CACNA1E: variants seen among roughly 807,000 people sequenced by gnomAD.
CACNA1E encodes voltage-dependent R-type calcium channel subunit alpha-1E.
A neutral mutation model predicts 259.2 loss-of-function variants in CACNA1E; 40 were observed. The observed-to-expected ratio is 0.15, with a 90% CI of 0.12 to 0.20. CACNA1E has a LOEUF of 0.20. Among genes scored for constraint, CACNA1E ranks in the 10% least tolerant of loss-of-function variants. The pLI is 1.00. For synonymous variants in CACNA1E, 1,104 were observed against 1,138.5 expected, an observed-to-expected ratio of 0.97 and a Z score of 0.61; for missense variants, 1,874 against 3,040.1, an observed-to-expected ratio of 0.62 and a Z score of 9.02.
chr1:181,479,424 CAG>C (rs1360288108), upstream of CACNA1E, among the ~76,000 whole-genome samples: 4 of 152,304 alleles, frequency 2.6e-5, no homozygotes, highest in East Asian at 1.9e-4. Flanking sequence ...GGTTTCCAAT[CAG>C]AGTTATGACT....
chr1:181,395,767 C>T (rs146607297), intron 1 of CACNA1E, among the ~76,000 whole-genome samples: 58 of 152,000 alleles, frequency 3.8e-4, no homozygotes, highest in Admixed American at 1.8e-3. Context: ...TCCATGAGGT[C>T]GAAGGAAAAC....
chr1:181,468,611 G>A (rs1055163864), intron 2 of CACNA1E, among the ~76,000 whole-genome samples: 6 of 152,206 alleles, frequency 3.9e-5, no homozygotes, highest in Admixed American at 2.6e-4. Flanking sequence ...GTATAGTGGG[G>A]AGCCAAGATG....
rs1054072036 is a variant in CACNA1E, at chr1:181,355,690, A to G, written c.-15+37567A>G. On this transcript the variant is annotated intron_variant, in intron 1 of 11. Transcript: ENST00000524607. ...GGTCCCATGATTAAGTGCTCATTTT[A>G]TTGATAATTTTAAAAAAATATGCAA... Among the ~76,000 whole-genome samples, 23 of 152,214 alleles carry G rather than the reference A, an allele frequency of 1.5e-4. 1 individual carries two copies. Among genetic ancestry groups the G allele is most frequent in the African/African-American group, 4.3e-4 (18 of 41,452 alleles).
At chr1:181,643,001 C>A (rs973562095) in intron 6 of CACNA1E, among the ~76,000 whole-genome samples, 1 of 152,082 alleles carries the variant, frequency 6.6e-6, no homozygotes, top group Non-Finnish European at 1.5e-5. Context: ...CCCCCTCACT[C>A]CCCCCACAGG....
At chr1:181,726,019 T>G (rs766170589) in intron 17 of CACNA1E, 46 bp from the exon 18 acceptor site, 1 of 1,379,844 alleles carries the variant, frequency 7.2e-7, no homozygotes, top group Non-Finnish European at 1.0e-6. Flanking sequence ...GAAGCTACTC[T>G]CCTTCCTGGG....
chr1:181,349,664 C>T (rs1652883020), intron 1 of CACNA1E, among the ~76,000 whole-genome samples: 1 of 152,044 alleles, frequency 6.6e-6, no homozygotes. Context: ...GTAGGAAGTA[C>T]TCCATGCTGT....
chr1:181,713,254 A>G (rs1653565236), intron 8 of CACNA1E, among the ~76,000 whole-genome samples: 1 of 152,084 alleles, frequency 6.6e-6, no homozygotes. Flanking sequence ...AAGCCCAGAC[A>G]CTGTGCACAG....
chr1:181,376,455 A>C (rs747992643), intron 1 of CACNA1E, among the ~76,000 whole-genome samples: 1 of 152,216 alleles, frequency 6.6e-6, no homozygotes, highest in Non-Finnish European at 1.5e-5. Context: ...ATGCCAGGAC[A>C]CATTTTTATG....
At chr1:181,402,961 A>G (rs539274597) in intron 1 of CACNA1E, among the ~76,000 whole-genome samples, 5 of 152,348 alleles carry the variant, frequency 3.3e-5, no homozygotes, top group African/African-American at 1.2e-4. Flanking sequence ...TGGGAAAGAT[A>G]AAAGTACTTA....
rs180797038 is a variant in CACNA1E at position 181,369,314 on chromosome 1, C to T, written c.-14-43819C>T. ...CTTGCTACCAAGTCTTTTTAATGGCCGCATCTTCGGGCTCTGTTTCTTGGT... is the reference window on the plus strand; with the variant it reads ...CTTGCTACCAAGTCTTTTTAATGGCTGCATCTTCGGGCTCTGTTTCTTGGT... On this transcript the variant is annotated intron_variant, in intron 1 of 11. Transcript: ENST00000524607. Among the ~76,000 whole-genome samples, 30 of 152,282 alleles carry T rather than the reference C, an allele frequency of 2.0e-4. No individual in the cohort carries two copies. The South Asian group carries it at 4.2e-3, about 21-fold the overall frequency.
chr1:181,456,290 C>T (rs1661457794), intron 2 of CACNA1E, among the ~76,000 whole-genome samples: 1 of 152,046 alleles, frequency 6.6e-6, no homozygotes, highest in Non-Finnish European at 1.5e-5. Flanking sequence ...TCACAGAGGA[C>T]AAGATGAGAG....
intron 1 of CACNA1E, among the ~76,000 whole-genome samples, chr1:181,350,568 A>G (rs1306766519): frequency 1.3e-5 from 2 of 152,162 alleles, no homozygotes; most frequent in Non-Finnish European, 2.9e-5. Flanking sequence ...GACTGAGACA[A>G]CGTTAGACGG....
intron 1 of CACNA1E, among the ~76,000 whole-genome samples, chr1:181,318,828 GCT>G (rs1650123185): frequency 6.6e-6 from 1 of 152,210 alleles, no homozygotes; most frequent in African/African-American, 2.4e-5. Context: ...GGGAATTGGG[GCT>G]CGAAGTAGGG....
At chr1:181,566,507 A>C (rs916485458) in intron 3 of CACNA1E, among the ~76,000 whole-genome samples, 1 of 152,200 alleles carries the variant, frequency 6.6e-6, no homozygotes, top group Non-Finnish European at 1.5e-5. Context: ...GAAATGCAGG[A>C]CCATTGGTAG....
intron 44 of CACNA1E, 50 bp from the exon 45 acceptor site, chr1:181,793,615 C>G: frequency 1.3e-6 from 2 of 1,585,048 alleles, no homozygotes; most frequent in South Asian, 1.2e-5. Context: ...ACGTGAGAAG[C>G]AATGAGATGG....
chr1:181,639,548 C>T (rs749408661), intron 6 of CACNA1E, among the ~76,000 whole-genome samples: 3 of 152,214 alleles, frequency 2.0e-5, no homozygotes, highest in Admixed American at 6.5e-5. Flanking sequence ...GTCAGCTCTG[C>T]CTTCCGACAG....
rs115531748 is a variant in CACNA1E, at chr1:181,362,778, G to A, written c.-15+44655G>A. ...GAAACAAACATCAAGGAAGGGAAAC[G>A]GGGGAACCGGAGCAAATGTGAAAGA... is the stretch of plus-strand genomic sequence containing the variant. On this transcript the variant is annotated intron_variant, in intron 1 of 11. Coordinates refer to the CACNA1E transcript ENST00000524607. Among the ~76,000 whole-genome samples the A allele has an allele frequency of 1.2e-3, 177 of 152,292 alleles. 1 individual carries two copies. Among genetic ancestry groups the A allele is most frequent in the African/African-American group, 4.1e-3 (170 of 41,546 alleles).
chr1:181,394,796 G>T (rs1172077993), intron 1 of CACNA1E, among the ~76,000 whole-genome samples: 1 of 152,200 alleles, frequency 6.6e-6, no homozygotes, highest in East Asian at 1.9e-4. Context: ...GAAACAGTCA[G>T]TGCAAATGCT....
chr1:181,634,024 T>C (rs1470683722), intron 6 of CACNA1E, among the ~76,000 whole-genome samples: 2 of 152,202 alleles, frequency 1.3e-5, no homozygotes, highest in Non-Finnish European at 2.9e-5. Flanking sequence ...TCACAGACCT[T>C]GGGTAATTGA....
Sources: gnomAD v4.1 joint callset for allele counts (sites outside exome capture counted in the v4.1 genomes callset) on GRCh38, gnomAD v4.1.1 for gene constraint, MANE v1.5 for transcripts, NCBI Gene and HGNC (gene_info 2026-07-23, HGNC 2026-07-21) for gene names.